GLIS3: variants seen among roughly 807,000 people sequenced by gnomAD.
The protein encoded by GLIS3 is GLIS family zinc finger 3.
GLIS3 carries 53 observed loss-of-function variants against 78.6 expected under a neutral mutation model. The ratio of observed to expected loss-of-function variants is 0.67; its 90% CI spans 0.54 to 0.85. The LOEUF (loss-of-function observed/expected upper bound fraction) is 0.85. Among genes scored for constraint, GLIS3 ranks in the 40% least tolerant of loss-of-function variants. The probability of loss-of-function intolerance (pLI) is 0.00; values close to 1 mark genes in which losing one functional copy is unlikely to be tolerated. For missense variants in GLIS3, 1,703 were observed against 1,231.1 expected (o/e 1.38, Z -5.74); for synonymous variants, 684 against 509.9 (o/e 1.34, Z -4.60).
intron 2 of GLIS3, among the ~76,000 whole-genome samples, chr9:4,227,583 C>A (rs559109377): frequency 6.6e-6 from 1 of 152,090 alleles, no homozygotes; most frequent in Non-Finnish European, 1.5e-5. Context: ...TGACTTGAAT[C>A]CTGGAAAAGC....
At chr9:4,230,311 C>T (rs1197700629) in intron 2 of GLIS3, among the ~76,000 whole-genome samples, 1 of 152,052 alleles carries the variant, frequency 6.6e-6, no homozygotes, top group Non-Finnish European at 1.5e-5. Flanking sequence ...AACTGCAGGC[C>T]AGAAGCAGGC....
chr9:4,093,556 A>G (rs1489362119), intron 4 of GLIS3, among the ~76,000 whole-genome samples: 1 of 152,206 alleles, frequency 6.6e-6, no homozygotes, highest in African/African-American at 2.4e-5. Context: ...GTTTTCTAGC[A>G]CATTTTAAAC....
chr9:4,144,179 C>A (rs958392555), intron 2 of GLIS3, among the ~76,000 whole-genome samples: 5 of 152,038 alleles, frequency 3.3e-5, no homozygotes, highest in Non-Finnish European at 7.4e-5. Context: ...GACACCACAG[C>A]GCAAGGAATG....
At chr9:3,882,812 T>G (rs1821823641) in intron 7 of GLIS3, among the ~76,000 whole-genome samples, 1 of 152,152 alleles carries the variant, frequency 6.6e-6, no homozygotes, top group Non-Finnish European at 1.5e-5. Flanking sequence ...TTATCTAGGG[T>G]GGAGGAAATC....
chr9:4,470,561 T>A, the GLIS3 span, among the ~76,000 whole-genome samples: 1 of 152,310 alleles, frequency 6.6e-6, no homozygotes, highest in South Asian at 2.1e-4. Context: ...ACAATCTTCA[T>A]GCTAAAAACT....
the GLIS3 span, among the ~76,000 whole-genome samples, chr9:4,434,331 A>G: frequency 0.077 from 11,650 of 152,268 alleles, 1,442 homozygotes; most frequent in African/African-American, 0.27. Context: ...AAGCATTAAC[A>G]TGACAATATT....
chr9:3,829,300 A>G lies in GLIS3; in HGVS notation c.2656+10T>C. 2 of 1,613,412 alleles carry G rather than the reference A, an allele frequency of 1.2e-6. No individual in the cohort carries two copies. The highest frequency in any genetic ancestry group is 8.5e-7 in the Non-Finnish European group (1 of 1,179,472). ...GACAGGATTTTCTAAGTCACAGACAACCAACACACCTGTAATGCCCGAGTG... is the reference window on the plus strand; with the variant it reads ...GACAGGATTTTCTAAGTCACAGACAGCCAACACACCTGTAATGCCCGAGTG... On this transcript the variant is annotated intron_variant, in intron 10 of 10. Coordinates refer to ENST00000381971, the MANE Select transcript of GLIS3 (RefSeq NM_001042413.2).
chr9:3,856,155 T>G lies in GLIS3; in HGVS notation c.2327A>C (p.His776Pro). Residue 776 changes from histidine to proline, a missense_variant, in exon 9 of 11, where the codon CAC (histidine) becomes CCC (proline). Physicochemically the swap from His to Pro is moderately conservative, Grantham distance 77. Transcript: ENST00000381971. ...RFAPSAPSPH[H>P]ISPRRVPAPS... ...AGCTGGAACTCTCCGGGGGCTGATG[T>G]GGTGAGGAGATGGAGCAGAAGGTGC... is the stretch of plus-strand genomic sequence containing the variant. The G allele has an allele frequency of 6.2e-7, 1 of 1,614,028 alleles. No homozygotes were observed. The highest frequency in any genetic ancestry group is 8.5e-7 in the Non-Finnish European group (1 of 1,179,986).
At chr9:3,938,011 T>C (rs1043043725) in intron 4 of GLIS3, among the ~76,000 whole-genome samples, 5 of 152,228 alleles carry the variant, frequency 3.3e-5, no homozygotes, top group African/African-American at 1.2e-4. Flanking sequence ...CAATGTCTTC[T>C]GAGGGCAAAA....
intron 1 of GLIS3, chr9:4,298,383 C>G (rs1411342127): frequency 2.2e-6 from 1 of 456,376 alleles, no homozygotes; most frequent in Non-Finnish European, 4.4e-6. Flanking sequence ...CCGCCAGGTA[C>G]CTAATTGAAT....
At chr9:3,961,138 G>C (rs1314231494) in intron 4 of GLIS3, among the ~76,000 whole-genome samples, 1 of 152,204 alleles carries the variant, frequency 6.6e-6, no homozygotes. Flanking sequence ...TCTGACAGCA[G>C]CACAAGGATC....
chr9:3,896,538 C>T (rs922478516), intron 7 of GLIS3, among the ~76,000 whole-genome samples: 1 of 151,636 alleles, frequency 6.6e-6, no homozygotes, highest in East Asian at 1.9e-4. Flanking sequence ...TGGTGGTGCA[C>T]ACCTGTAGTC....
rs474921 is a variant in GLIS3 at position 4,012,497 on chromosome 9, T to C, written c.1711-75308A>G. 5.2e-3 allele frequency among the ~76,000 whole-genome samples: 794 copies of C among 152,308 alleles called. 10 individuals carry two copies. The highest frequency in any genetic ancestry group is 0.018 in the African/African-American group (768 of 41,562). On this transcript the variant is annotated intron_variant, in intron 4 of 10. Coordinates refer to ENST00000381971, the MANE Select transcript of GLIS3 (RefSeq NM_001042413.2). ...CATTTCTAACTTCCTTCCAATAATTTTGTAAAGGACACTGGGCACATAAAC... is the reference window on the plus strand; with the variant it reads ...CATTTCTAACTTCCTTCCAATAATTCTGTAAAGGACACTGGGCACATAAAC...
At chr9:4,275,524 C>T (rs986339204) in intron 2 of GLIS3, among the ~76,000 whole-genome samples, 2 of 151,790 alleles carry the variant, frequency 1.3e-5, no homozygotes, top group African/African-American at 2.4e-5. Flanking sequence ...CTTTGGGAGG[C>T]CGAGGTGGAA....
At chr9:4,413,762 T>G in the GLIS3 span, among the ~76,000 whole-genome samples, 30 of 152,192 alleles carry the variant, frequency 2.0e-4, no homozygotes, top group African/African-American at 6.7e-4. Context: ...AGGGAATGCC[T>G]TCCACTGACC....
intron 6 of GLIS3, among the ~76,000 whole-genome samples, chr9:3,913,782 T>A (rs772101389): frequency 6.6e-6 from 1 of 152,216 alleles, no homozygotes; most frequent in Non-Finnish European, 1.5e-5. Flanking sequence ...ATTATATCAA[T>A]ATGTGTGCAC....
chr9:3,906,276 C>T (rs889637686), intron 6 of GLIS3, among the ~76,000 whole-genome samples: 3 of 152,214 alleles, frequency 2.0e-5, no homozygotes, highest in Non-Finnish European at 2.9e-5. Context: ...TGCAGAATAC[C>T]GGAAGAGGAC....
intron 6 of GLIS3, among the ~76,000 whole-genome samples, chr9:3,923,708 T>C (rs138551845): frequency 6.6e-6 from 1 of 152,260 alleles, no homozygotes; most frequent in East Asian, 1.9e-4. Context: ...TTTATGAGTA[T>C]CTTTTGGGAC....
At chr9:4,435,377 C>T in the GLIS3 span, among the ~76,000 whole-genome samples, 22 of 152,180 alleles carry the variant, frequency 1.4e-4, no homozygotes, top group Non-Finnish European at 2.1e-4. Context: ...GATGACTAAT[C>T]AAGAGGCAGA....
Sources: gnomAD v4.1 joint callset for allele counts (sites outside exome capture counted in the v4.1 genomes callset) on GRCh38, gnomAD v4.1.1 for gene constraint, MANE v1.5 for transcripts, NCBI Gene and HGNC (gene_info 2026-07-23, HGNC 2026-07-21) for gene names.